THADA: variants seen among roughly 807,000 people sequenced by gnomAD.
THADA encodes the protein THADA armadillo repeat containing.
Under a neutral mutation model 219.8 loss-of-function variants are expected in THADA, and 213 were observed. That is an observed-to-expected ratio of 0.97 (90% CI 0.87 to 1.09). The LOEUF is 1.09. Among genes scored for constraint, THADA ranks in the 50% least tolerant of loss-of-function variants. The pLI, the probability that THADA is intolerant of heterozygous loss-of-function variation, is 0.00. For missense variants in THADA, 2,956 were observed against 2,311.3 expected (o/e 1.28, Z -5.72); for synonymous variants, 1,018 against 828.9 (o/e 1.23, Z -3.92).
At chr2:43,578,954 C>G (rs11888482) in intron 8 of THADA, among the ~76,000 whole-genome samples, 50,986 of 152,044 alleles carry the variant, frequency 0.34, 8,762 homozygotes, top group South Asian at 0.39. Context: ...GCCTCAGCCT[C>G]CCAAGTAGCT....
chr2:43,482,939 A>C (rs1686412201), intron 26 of THADA, among the ~76,000 whole-genome samples: 1 of 152,216 alleles, frequency 6.6e-6, no homozygotes, highest in Non-Finnish European at 1.5e-5. Context: ...TAGATGGAGA[A>C]ACTGAAGTGC....
At chr2:43,526,970 T>C (rs1170727740) in intron 22 of THADA, among the ~76,000 whole-genome samples, 2 of 152,136 alleles carry the variant, frequency 1.3e-5, no homozygotes, top group Non-Finnish European at 2.9e-5. Flanking sequence ...GTTGAAAAGA[T>C]AAAATATTTT....
chr2:43,299,922 G>A (rs1174856462), intron 31 of THADA, among the ~76,000 whole-genome samples: 2 of 151,114 alleles, frequency 1.3e-5, no homozygotes, highest in East Asian at 2.0e-4. Context: ...CAGCTACTCC[G>A]GAGGCTGAAG....
At chr2:43,291,826 C>G (rs367979655) in intron 33 of THADA, 58 bp from the exon 34 acceptor site, 1 of 1,444,868 alleles carries the variant, frequency 6.9e-7, no homozygotes, top group Non-Finnish European at 9.4e-7. Flanking sequence ...ATATTTCATA[C>G]ACCGGTTTTT....
At chr2:43,353,991 G>T (rs1382442714) in intron 29 of THADA, among the ~76,000 whole-genome samples, 1 of 151,824 alleles carries the variant, frequency 6.6e-6, no homozygotes, top group Non-Finnish European at 1.5e-5. Flanking sequence ...CTAATTTTTT[G>T]TATTTTTAGT....
At chr2:43,356,425 G>T (rs1222065787) in intron 29 of THADA, among the ~76,000 whole-genome samples, 2 of 152,104 alleles carry the variant, frequency 1.3e-5, no homozygotes, top group Non-Finnish European at 2.9e-5. Flanking sequence ...GGGAAAATAA[G>T]ATGTATAAAT....
chr2:43,535,373 G>A lies in THADA; in HGVS notation c.3264+5786C>T, dbSNP rs79145221. Among the ~76,000 whole-genome samples the A allele has an allele frequency of 5.1e-4, 77 of 150,894 alleles. No individual in the cohort carries two copies. The East Asian group carries it at 7.4e-3, about 14-fold the overall frequency. On this transcript the variant is annotated intron_variant, in intron 21 of 37. Transcript: ENST00000405975. Reference sequence around the variant, plus strand: ...ACTTTTTGTTGTCTATGCTTTTGAGGTCTTATTTATAAAAATGTTTTCCCA... The same window carrying A: ...ACTTTTTGTTGTCTATGCTTTTGAGATCTTATTTATAAAAATGTTTTCCCA...
chr2:43,329,998 T>G (rs570813496), intron 30 of THADA, among the ~76,000 whole-genome samples: 122 of 152,316 alleles, frequency 8.0e-4, no homozygotes, highest in African/African-American at 2.8e-3. Flanking sequence ...ACACCTTCAT[T>G]TTAGAGCTTC....
intron 28 of THADA, among the ~76,000 whole-genome samples, chr2:43,407,049 A>G (rs1675630481): frequency 6.6e-6 from 1 of 152,202 alleles, no homozygotes; most frequent in Non-Finnish European, 1.5e-5. Flanking sequence ...GCCCCTCAGC[A>G]TGTCGCCTTT....
intron 31 of THADA, among the ~76,000 whole-genome samples, chr2:43,311,680 G>T (rs13405434): frequency 0.1 from 15,196 of 152,216 alleles, 816 homozygotes; most frequent in Admixed American, 0.13. Context: ...ATATTATTCA[G>T]CCATAAAAAG....
intron 30 of THADA, among the ~76,000 whole-genome samples, chr2:43,332,334 G>A (rs1229884270): frequency 6.6e-6 from 1 of 152,148 alleles, no homozygotes; most frequent in Non-Finnish European, 1.5e-5. Flanking sequence ...CCCCTACCCT[G>A]ACAAGCTGGC....
At chr2:43,458,831 T>A (rs890267014) in intron 26 of THADA, among the ~76,000 whole-genome samples, 1 of 152,214 alleles carries the variant, frequency 6.6e-6, no homozygotes, top group African/African-American at 2.4e-5. Context: ...TATGTGGTTA[T>A]GTATGTGAAA....
chr2:43,545,890 T>C lies in THADA; in HGVS notation c.3106+3320A>G, dbSNP rs1425087749. ...GTATTTCCTTCAGTTCTGCTCTGACTTTAGTTATTTCTTGCCTTCTGCTAG... is the reference window on the plus strand; with the variant it reads ...GTATTTCCTTCAGTTCTGCTCTGACCTTAGTTATTTCTTGCCTTCTGCTAG... On this transcript the variant is annotated intron_variant, in intron 20 of 37. Coordinates refer to ENST00000405975, the MANE Select transcript of THADA (RefSeq NM_022065.5). 6.6e-5 allele frequency among the ~76,000 whole-genome samples: 10 copies of C among 152,276 alleles called. No individual in the cohort carries two copies. The East Asian group carries it at 1.7e-3, about 26-fold the overall frequency.
At chr2:43,395,972 G>A (rs929582991) in intron 29 of THADA, among the ~76,000 whole-genome samples, 1 of 152,180 alleles carries the variant, frequency 6.6e-6, no homozygotes, top group African/African-American at 2.4e-5. Context: ...GGCCAGGCTG[G>A]TCTTGAACTC....
At chr2:43,248,767 C>T (rs1373330413) in intron 36 of THADA, among the ~76,000 whole-genome samples, 1 of 152,154 alleles carries the variant, frequency 6.6e-6, no homozygotes, top group Non-Finnish European at 1.5e-5. Flanking sequence ...AGCCCTCACT[C>T]AGAAGGAGCG....
chr2:43,489,933 G>GATTAATTA (rs577999756), intron 25 of THADA, among the ~76,000 whole-genome samples: 56 of 145,322 alleles, frequency 3.9e-4, no homozygotes, highest in African/African-American at 1.4e-3. Context: ...TGAATCTATA[G>GATTAATTA]ATTAATTAAT....
chr2:43,345,981 C>A (rs1245640551), intron 29 of THADA, among the ~76,000 whole-genome samples: 1 of 152,164 alleles, frequency 6.6e-6, no homozygotes, highest in Non-Finnish European at 1.5e-5. Context: ...AATCAGCCTA[C>A]AATTCTGTCA....
intron 13 of THADA, 25 bp from the exon 14 acceptor site, chr2:43,570,535 A>G (rs113222005): frequency 1.9e-6 from 3 of 1,598,316 alleles, no homozygotes; most frequent in African/African-American, 2.7e-5. Context: ...GAAATGAAGC[A>G]CAGGTGAGCC....
chr2:43,306,523 A>G (rs1360140941), intron 31 of THADA, among the ~76,000 whole-genome samples: 1 of 152,134 alleles, frequency 6.6e-6, no homozygotes, highest in African/African-American at 2.4e-5. Flanking sequence ...CTGTTGCCTC[A>G]CCTGTAGTAA....
Sources: allele counts gnomAD v4.1 joint callset (sites outside exome capture counted in the v4.1 genomes callset), GRCh38; gene constraint gnomAD v4.1.1; transcripts MANE v1.5; gene names NCBI Gene and HGNC (gene_info 2026-07-23, HGNC 2026-07-21).